Variants in TSNARE1 observed in about 807,000 individuals in gnomAD.
TSNARE1 encodes the protein t-SNARE domain-containing protein 1.
A neutral mutation model predicts 62.0 loss-of-function variants in TSNARE1; 49 were observed. That is an observed-to-expected ratio of 0.79 (90% CI 0.63 to 1.00). The LOEUF is 1.00. Ranked by LOEUF, TSNARE1 falls within the 50% of genes least tolerant of loss-of-function variation. TSNARE1 has a pLI of 0.00. For missense variants in TSNARE1, 755 were observed against 700.1 expected (o/e 1.08, Z -0.88); for synonymous variants, 328 against 294.4 (o/e 1.11, Z -1.17).
rs372720161 is a variant in TSNARE1 at position 142,300,632 on chromosome 8, G to A, written c.1144C>T (p.Pro382Ser). The A allele has an allele frequency of 1.2e-5, 19 of 1,613,312 alleles. No homozygotes were observed. Among genetic ancestry groups the A allele is most frequent in the Non-Finnish European group, 1.5e-5 (18 of 1,179,776 alleles). ...QRGSKQSPQA[P>S]FAELADDEKV... is the part of the protein sequence containing the mutation. ...TCATCATCAGCCAGCTCGGCAAACG[G>A]GGCCTGGGGACTCTGCTGATGACAG... The change falls in exon 10 of 14, where the codon CCG becomes TCG. Residue 382 changes from proline to serine, a missense_variant. Transcript: ENST00000524325.
chr8:142,354,782 G>C lies in TSNARE1; in HGVS notation c.-39-19C>G. On this transcript the variant is annotated intron_variant, in intron 1 of 13. Transcript: ENST00000524325. ...CACTGAGCTGGAGGAAACACGAAAA[G>C]CAGGGGGAAGAGGGGGAAGACATGG... 1 of 1,427,608 alleles carries C rather than the reference G, an allele frequency of 7.0e-7. No homozygotes were observed. Among genetic ancestry groups the C allele is most frequent in the Non-Finnish European group, 9.9e-7 (1 of 1,013,626 alleles). The allele number at this position is 1,427,608 out of a possible 1,614,324, so 88.4% of individuals were successfully genotyped here. A position where few individuals can be genotyped will look rare whatever the true frequency, so the allele number is the denominator to read the frequency against.
At chr8:142,400,376 G>A (rs1462050997) in intron 1 of TSNARE1, among the ~76,000 whole-genome samples, 2 of 148,886 alleles carry the variant, frequency 1.3e-5, no homozygotes, top group African/African-American at 5.0e-5. Context: ...AACCCAGGAG[G>A]CAGAGGTTGC....
intron 13 of TSNARE1, among the ~76,000 whole-genome samples, chr8:142,215,911 G>A (rs1815809643): frequency 6.6e-6 from 1 of 152,234 alleles, no homozygotes; most frequent in African/African-American, 2.4e-5. Context: ...GGCTGGCTTT[G>A]TGGTGCCATG....
intron 12 of TSNARE1, among the ~76,000 whole-genome samples, chr8:142,259,400 G>A (rs1818745494): frequency 6.6e-6 from 1 of 152,234 alleles, no homozygotes; most frequent in South Asian, 2.1e-4. Flanking sequence ...AGGCCTGAGA[G>A]GGCCGAGTTC....
chr8:142,403,561 C>G (rs1044013588), upstream of TSNARE1: 1 of 152,230 alleles, frequency 6.6e-6, no homozygotes, highest in African/African-American at 2.4e-5. Context: ...CGGCGGGTCT[C>G]GGCCAGGGCA....
intron 9 of TSNARE1, among the ~76,000 whole-genome samples, chr8:142,309,103 T>C (rs1462860737): frequency 6.6e-6 from 1 of 152,260 alleles, no homozygotes; most frequent in African/African-American, 2.4e-5. Context: ...AACTGTCTTT[T>C]GCCAGCATAC....
rs375592742 is a variant in TSNARE1, at chr8:142,344,128, C to T, written c.583G>A (p.Val195Met). 4.0e-5 allele frequency: 65 copies of T among 1,612,406 alleles called. No homozygotes were observed. The highest frequency in any genetic ancestry group is 6.6e-5 in the South Asian group (6 of 91,012). ...CGGAGGTCGCCCAGCTTGCGCCGCA[C>T]GACGGCTCGTAGGTCCCGCCACTTG... ...KHKWRDLRAV[V>M]RRKLGDLRKA... The change falls in exon 4 of 14, where the codon GTG becomes ATG. Residue 195 changes from valine to methionine, a missense_variant. Coordinates refer to ENST00000524325, the MANE Select transcript of TSNARE1 (RefSeq NM_145003.5).
At chr8:142,332,707 G>A (rs1563932081) in intron 4 of TSNARE1, among the ~76,000 whole-genome samples, 1 of 152,122 alleles carries the variant, frequency 6.6e-6, no homozygotes, top group Non-Finnish European at 1.5e-5. Flanking sequence ...GCACACACTC[G>A]CCCTCTGTCC....
At chr8:142,303,402 C>T (rs926417870) in intron 9 of TSNARE1, among the ~76,000 whole-genome samples, 5 of 152,198 alleles carry the variant, frequency 3.3e-5, no homozygotes, top group African/African-American at 1.2e-4. Flanking sequence ...CAGCGAGGTG[C>T]CCCGCCTCCT....
Position 142,255,935 on chromosome 8 carries a change from CCAT to C in TSNARE1, c.1446+18843_1446+18845del, listed in dbSNP as rs1563781689. ...ACCACCACCATCACCATCACCATCACCATCACCACCATCATCACCATCACCACC... is the reference window on the plus strand; with the variant it reads ...ACCACCACCATCACCATCACCATCACCACCACCATCATCACCATCACCACC... On this transcript the variant is annotated intron_variant, in intron 12 of 13. Transcript: ENST00000524325. 8.6e-4 allele frequency among the ~76,000 whole-genome samples: 21 copies of C among 24,470 alleles called. 4 individuals are homozygous for C. Among genetic ancestry groups the C allele is most frequent in the Non-Finnish European group, 2.7e-3 (17 of 6,342 alleles). The allele number at this position is 24,470 out of a possible 152,430, so 16.1% of individuals were successfully genotyped here. A position where few individuals can be genotyped will look rare whatever the true frequency, so the allele number is the denominator to read the frequency against.
intron 10 of TSNARE1, 32 bp downstream of exon 10, chr8:142,300,452 GGA>G (rs1825519843): frequency 6.3e-7 from 1 of 1,579,418 alleles, no homozygotes; most frequent in East Asian, 2.2e-5. Flanking sequence ...TGTGGAGTGT[GGA>G]GAGTGAGCAC....
chr8:142,225,212 C>T (rs1816718100), intron 13 of TSNARE1, among the ~76,000 whole-genome samples: 1 of 151,848 alleles, frequency 6.6e-6, no homozygotes, highest in African/African-American at 2.4e-5. Context: ...CTCACTCCCA[C>T]CCTCCACGGC....
At chr8:142,313,341 T>C (rs1193110912) in intron 9 of TSNARE1, among the ~76,000 whole-genome samples, 1 of 151,732 alleles carries the variant, frequency 6.6e-6, no homozygotes, top group Non-Finnish European at 1.5e-5. Flanking sequence ...TGTGTTTATC[T>C]GTGTGTCTCT....
At chr8:142,402,927 C>T (rs1287572962) in intron 1 of TSNARE1, 177 bp downstream of exon 1, 1 of 151,472 alleles carries the variant, frequency 6.6e-6, no homozygotes, top group African/African-American at 2.4e-5. Context: ...ACGGTCCCGC[C>T]CCCTCCCCTC....
intron 12 of TSNARE1, among the ~76,000 whole-genome samples, chr8:142,244,785 C>T (rs532247295): frequency 2.5e-4 from 38 of 152,244 alleles, no homozygotes; most frequent in Admixed American, 4.6e-4. Context: ...GCCCACAGAG[C>T]GGAAAGGGAG....
chr8:142,217,406 C>T (rs145582377), intron 13 of TSNARE1, among the ~76,000 whole-genome samples: 9 of 152,014 alleles, frequency 5.9e-5, no homozygotes, highest in African/African-American at 1.7e-4. Flanking sequence ...AAGCAAGCAA[C>T]GGCGTAAGGA....
At chr8:142,278,384 G>C in intron 11 of TSNARE1, 2 of 985,462 alleles carry the variant, frequency 2.0e-6, no homozygotes, top group African/African-American at 1.7e-5. Flanking sequence ...TGTGAGGCTG[G>C]GTCCTTCTGT....
intron 1 of TSNARE1, among the ~76,000 whole-genome samples, chr8:142,362,067 C>G (rs1835207221): frequency 6.6e-6 from 1 of 152,250 alleles, no homozygotes; most frequent in African/African-American, 2.4e-5. Flanking sequence ...CAGCTGCCCA[C>G]CAGGAGCCCC....
At chr8:142,367,139 A>G (rs1253863380) in intron 1 of TSNARE1, among the ~76,000 whole-genome samples, 1 of 152,242 alleles carries the variant, frequency 6.6e-6, no homozygotes, top group African/African-American at 2.4e-5. Flanking sequence ...ACAGAAAGCT[A>G]TCCCTTGTTC....
Sources: allele counts gnomAD v4.1 joint callset (sites outside exome capture counted in the v4.1 genomes callset), GRCh38; gene constraint gnomAD v4.1.1; transcripts MANE v1.5; gene names NCBI Gene and HGNC (gene_info 2026-07-23, HGNC 2026-07-21).